Variants in ITPKC observed in about 807,000 individuals in gnomAD.
ITPKC encodes the protein IP3 3-kinase C.
In ITPKC, 33 loss-of-function variants were observed where a neutral mutation model predicts 67.1. That is an observed-to-expected ratio of 0.49 (90% CI 0.37 to 0.66). The LOEUF (loss-of-function observed/expected upper bound fraction) is 0.66, where lower values mean the gene tolerates loss of function less well. Among genes scored for constraint, ITPKC ranks in the 30% least tolerant of loss-of-function variants. The pLI, the probability that ITPKC is intolerant of heterozygous loss-of-function variation, is 0.00. For synonymous variants in ITPKC, 341 were observed against 359.8 expected, an observed-to-expected ratio of 0.95 and a Z score of 0.59; for missense variants, 820 against 892.1, an observed-to-expected ratio of 0.92 and a Z score of 1.03.
At position 40,733,192 on chromosome 19, in the gene ITPKC, G is replaced by C. The variant is rs546922007; in HGVS notation, c.1502G>C (p.Arg501Pro). The part of the protein sequence containing the change: ...TYLEEELVKA[R>P]ERPRPRKDMY... ...CTGGAAGAGGAGCTAGTGAAGGCAC[G>C]GGAACGTCCCCGTCCCCGGAAGGAC... The change falls in exon 4 of 7, where the codon CGG (arginine) becomes CCG (proline). Residue 501 changes from arginine (R) to proline (P), a missense_variant. Around this residue, in one of 2 missense-constraint regions of ITPKC, gnomAD observed 339 missense variants for 422.0 expected, o/e 0.80. Coordinates refer to ENST00000263370, the MANE Select transcript of ITPKC (RefSeq NM_025194.3). 1.3e-5 allele frequency: 21 copies of C among 1,614,188 alleles called. No homozygotes were observed. The highest frequency in any genetic ancestry group is 1.6e-5 in the Non-Finnish European group (19 of 1,180,026).
chr19:40,734,105 A>G (rs892423712), intron 4 of ITPKC, among the ~76,000 whole-genome samples: 3 of 151,970 alleles, frequency 2.0e-5, no homozygotes, highest in Non-Finnish European at 4.4e-5. Context: ...TAGATCCGAA[A>G]TGTTCCTCAG....
At chr19:40,729,087 T>C in intron 2 of ITPKC, 115 bp from the exon 3 acceptor site, 2 of 750,376 alleles carry the variant, frequency 2.7e-6, no homozygotes, top group Non-Finnish European at 4.5e-6. Context: ...GAGAAAGCAT[T>C]GCAGGAGGGT....
intron 2 of ITPKC, among the ~76,000 whole-genome samples, chr19:40,725,658 G>A (rs2082243495): frequency 6.6e-6 from 1 of 152,220 alleles, no homozygotes; most frequent in Non-Finnish European, 1.5e-5. Flanking sequence ...GCTTCAGACG[G>A]ACCTGAGCTC....
rs1555763062 is a variant in ITPKC, at chr19:40,731,617, T to TTTTG, written c.1470-1542_1470-1539dup. ...TTGGTTTTTTTTTTTTTTTTTTTTT[T>TTTTG]TTTGAGAGGGAGTCTTGCTCTGTGT... is the stretch of plus-strand genomic sequence containing the variant. On this transcript the variant is annotated intron_variant, in intron 3 of 6. Coordinates refer to ENST00000263370, the MANE Select transcript of ITPKC (RefSeq NM_025194.3). 3.8e-3 allele frequency among the ~76,000 whole-genome samples: 520 copies of TTTTG among 135,310 alleles called. 32 individuals carry two copies. The highest frequency in any genetic ancestry group is 5.9e-3 in the Non-Finnish European group (367 of 62,306). 88.8% of individuals were successfully genotyped at this position (135,310 alleles called of 152,430 possible).
At chr19:40,733,395 G>A (rs528517968) in intron 4 of ITPKC, 31 bp downstream of exon 4, 24 of 1,576,530 alleles carry the variant, frequency 1.5e-5, no homozygotes, top group African/African-American at 1.1e-4. Flanking sequence ...GGCCTGTCCC[G>A]GGAAGGCCTA....
chr19:40,739,752 A>G lies in ITPKC; in HGVS notation c.*192A>G, dbSNP rs2082315119. ...GGGAGACCAGGTAGCACCTGGCCCC[A>G]TCATGATGCAGGGGTTTTGGGGACC... is the stretch of plus-strand genomic sequence containing the variant. On this transcript the variant is annotated 3_prime_UTR_variant, in exon 7 of 7. Coordinates refer to ENST00000263370, the MANE Select transcript of ITPKC (RefSeq NM_025194.3). 2 of 589,488 alleles carry G rather than the reference A, an allele frequency of 3.4e-6. No individual in the cohort carries two copies. The highest frequency in any genetic ancestry group is 6.0e-6 in the Non-Finnish European group (2 of 331,790). The allele number at this position is 589,488 out of a possible 1,614,324, so 36.5% of individuals were successfully genotyped here.
At chr19:40,718,843 T>G (rs761042223) in intron 1 of ITPKC, among the ~76,000 whole-genome samples, 11 of 152,280 alleles carry the variant, frequency 7.2e-5, no homozygotes, top group South Asian at 4.1e-4. Flanking sequence ...AAGGGCTGTG[T>G]GACCCCAAAC....
chr19:40,734,981 C>T (rs2082288446), intron 4 of ITPKC, among the ~76,000 whole-genome samples: 1 of 152,104 alleles, frequency 6.6e-6, no homozygotes, highest in African/African-American at 2.4e-5. Context: ...AGGGTTTCAC[C>T]ATATTGACCA....
At position 40,729,427 on chromosome 19, in the gene ITPKC, G is replaced by T. The variant is rs1416793168; in HGVS notation, c.1469+12G>T. On this transcript the variant is annotated intron_variant, in intron 3 of 6. Coordinates refer to ENST00000263370, the MANE Select transcript of ITPKC (RefSeq NM_025194.3). ...AAGATGGGCAGCAGGTGGGGCTGGG[G>T]CAGCCCTGGGGCAGGGATGGAGGGC... 6.2e-7 allele frequency: 1 copy of T among 1,606,294 alleles called. No homozygotes were observed. The highest frequency in any genetic ancestry group is 2.2e-5 in the East Asian group (1 of 44,768).
In ITPKC at chr19:40,717,473, C is replaced by T. The variant is rs2082195818; in HGVS notation, c.338C>T (p.Thr113Met). The part of the protein sequence containing the change: ...GVETERPKQK[T>M]EPDRSSLRTH... ...GAGACCGAGAGGCCCAAGCAAAAGA[C>T]GGAGCCAGACAGGTCCAGCCTCCGG... The change falls in exon 1 of 7, where the codon ACG becomes ATG. Residue 113 changes from threonine (T) to methionine (M), a missense_variant. Around this residue, in one of 2 missense-constraint regions of ITPKC, gnomAD observed 481 missense variants for 470.1 expected, o/e 1.02. Transcript: ENST00000263370. 2 of 1,614,012 alleles carry T rather than the reference C, an allele frequency of 1.2e-6. No homozygotes were observed. The highest frequency in any genetic ancestry group is 1.7e-6 in the Non-Finnish European group (2 of 1,180,010).
At chr19:40,737,280 G>T (rs79972852) in intron 5 of ITPKC, among the ~76,000 whole-genome samples, 193 bp downstream of exon 5, 1 of 152,334 alleles carries the variant, frequency 6.6e-6, no homozygotes, top group East Asian at 1.9e-4. Flanking sequence ...CTGCCGGTTG[G>T]CTCATGACTT....
Position 40,725,212 on chromosome 19 carries a change from A to G in ITPKC, c.1156-128A>G. 3 of 650,804 alleles carry G rather than the reference A, an allele frequency of 4.6e-6. No homozygotes were observed. The Admixed American group carries it at 7.0e-5, about 15-fold the overall frequency. 40.3% of individuals were successfully genotyped at this position (650,804 alleles called of 1,614,324 possible). The stretch of plus-strand genomic sequence containing the variant: ...CACTCACCCCAACAAGCCTGGGAAC[A>G]GTGATCCCAGGAAGCCCCTGGCCCT... On this transcript the variant is annotated intron_variant, in intron 1 of 6. Transcript: ENST00000263370.
rs1254138558 is a variant in ITPKC at position 40,717,397 on chromosome 19, G to A, written c.262G>A (p.Glu88Lys). 5.0e-5 allele frequency: 81 copies of A among 1,613,506 alleles called. No homozygotes were observed. Among genetic ancestry groups the A allele is most frequent in the Non-Finnish European group, 6.7e-5 (79 of 1,179,996 alleles). The change falls in exon 1 of 7, where the codon GAA becomes AAA. Residue 88 changes from glutamate to lysine, a missense_variant. By Grantham distance (56) the Glu-to-Lys change is moderately conservative. This residue lies in a region of ITPKC where 481 missense variants were observed against 470.1 expected (regional missense o/e 1.02). Coordinates refer to ENST00000263370, the MANE Select transcript of ITPKC (RefSeq NM_025194.3). ...GCCGGGGACAGAGAGTCCGCAGGCA[G>A]AATTCTGGACAGACGGACAGACTGA... ...PAPGTESPQA[E>K]FWTDGQTEPA...
Position 40,718,643 on chromosome 19 carries a change from T to C in ITPKC, c.1155+353T>C, listed in dbSNP as rs145655014. Reference sequence around the variant, plus strand: ...TGTTGCAGCGACGGTCTGACATCTGTCTAATCCTCTGGAATCTGAAGAACA... The same window carrying C: ...TGTTGCAGCGACGGTCTGACATCTGCCTAATCCTCTGGAATCTGAAGAACA... On this transcript the variant is annotated intron_variant, in intron 1 of 6. Coordinates refer to ENST00000263370, the MANE Select transcript of ITPKC (RefSeq NM_025194.3). 2.1e-3 allele frequency among the ~76,000 whole-genome samples: 317 copies of C among 152,222 alleles called. 2 individuals carry two copies. The highest frequency in any genetic ancestry group is 7.5e-3 in the African/African-American group (311 of 41,532).
intron 3 of ITPKC, 103 bp from the exon 4 acceptor site, chr19:40,733,057 C>A: frequency 2.2e-6 from 2 of 928,758 alleles, no homozygotes; most frequent in Non-Finnish European, 1.7e-6. Context: ...ATTGATTTGC[C>A]CATTCTTGTG....
In ITPKC at chr19:40,717,909, C is replaced by G. The variant is rs1166526251; in HGVS notation, c.774C>G (p.Ala258=). 2 of 1,614,164 alleles carry G rather than the reference C, an allele frequency of 1.2e-6. No homozygotes were observed. The highest frequency in any genetic ancestry group is 2.2e-5 in the South Asian group (2 of 91,084). The change falls in exon 1 of 7, where the codon GCC becomes GCG. Residue 258 remains alanine (A), a synonymous_variant. Transcript: ENST00000263370. ...GSQKKQDTEA[A]RKQPGTGGFQ... ...AGAAAAAACAGGATACTGAAGCAGC[C>G]AGGAAACAGCCTGGCACTGGTGGTT... is the stretch of plus-strand genomic sequence containing the variant.
At chr19:40,737,157 C>A in intron 5 of ITPKC, 70 bp downstream of exon 5, 1 of 1,043,458 alleles carries the variant, frequency 9.6e-7, no homozygotes, top group Non-Finnish European at 1.4e-6. Context: ...GCTCCAGAGT[C>A]AGTGGTCTTC....
intron 1 of ITPKC, among the ~76,000 whole-genome samples, chr19:40,720,703 C>G (rs1171070395): frequency 6.6e-6 from 1 of 152,052 alleles, no homozygotes; most frequent in Non-Finnish European, 1.5e-5. Flanking sequence ...CGACTTCCTT[C>G]CCTCCTCCTG....
chr19:40,727,410 T>TA (rs1225367648), intron 2 of ITPKC, among the ~76,000 whole-genome samples: 1 of 151,556 alleles, frequency 6.6e-6, no homozygotes, highest in Admixed American at 6.6e-5. Flanking sequence ...TAGTGATGGT[T>TA]AAAAAAAATA....
Sources: allele counts gnomAD v4.1 joint callset (sites outside exome capture counted in the v4.1 genomes callset), GRCh38; gene constraint gnomAD v4.1.1; regional missense constraint gnomAD v4.1.1; transcripts MANE v1.5; gene names NCBI Gene and HGNC (gene_info 2026-07-23, HGNC 2026-07-21).